UNC79: variants seen among roughly 807,000 people sequenced by gnomAD.
UNC79 encodes the protein unc-79 subunit of NALCN channel complex, also known as protein unc-79 homolog.
In UNC79, 37 loss-of-function variants were observed where a neutral mutation model predicts 283.1. That is an observed-to-expected ratio of 0.13 (90% CI 0.10 to 0.17). The LOEUF (loss-of-function observed/expected upper bound fraction) is 0.17. UNC79 is among the 10% of genes least tolerant of loss of function. UNC79 has a pLI of 1.00. For synonymous variants in UNC79, 1,107 were observed against 1,200.2 expected (o/e 0.92, Z 1.61); for missense variants, 2,272 against 3,211.1 (o/e 0.71, Z 7.07).
upstream of UNC79, among the ~76,000 whole-genome samples, chr14:93,427,018 AACTT>A (rs2055746575): frequency 6.6e-6 from 1 of 152,164 alleles, no homozygotes; most frequent in Non-Finnish European, 1.5e-5. Context: ...GCAGGTAACT[AACTT>A]AATGGGATAT....
At chr14:93,467,978 A>G (rs972108111) in intron 2 of UNC79, among the ~76,000 whole-genome samples, 187 bp downstream of exon 2, 2 of 151,960 alleles carry the variant, frequency 1.3e-5, no homozygotes, top group African/African-American at 4.8e-5. Context: ...CAGCTGAAAA[A>G]GATTGGTTGC....
chr14:93,497,058 C>G, intron 6 of UNC79, 99 bp from the exon 7 acceptor site: 1 of 1,360,052 alleles, frequency 7.4e-7, no homozygotes, highest in Non-Finnish European at 1.0e-6. Context: ...TCACCTCAAT[C>G]CCTCCATTAG....
chr14:93,449,917 G>A (rs910135902), intron 1 of UNC79, among the ~76,000 whole-genome samples: 2 of 152,304 alleles, frequency 1.3e-5, no homozygotes, highest in African/African-American at 2.4e-5. Flanking sequence ...ATCTGGTGGT[G>A]GGTAAATGGG....
intron 1 of UNC79, among the ~76,000 whole-genome samples, chr14:93,409,231 T>G (rs933397667): frequency 4.6e-5 from 7 of 152,196 alleles, no homozygotes; most frequent in Non-Finnish European, 7.3e-5. Flanking sequence ...AGATATAAGA[T>G]CAACCTAAAA....
intron 26 of UNC79, chr14:93,604,945 A>C (rs1326493227): frequency 9.5e-6 from 15 of 1,580,982 alleles, no homozygotes; most frequent in Non-Finnish European, 1.3e-5. Context: ...TCGGTGGGAC[A>C]CCCGAACAGA....
At chr14:93,644,730 T>C (rs2069411425) in intron 34 of UNC79, among the ~76,000 whole-genome samples, 1 of 152,184 alleles carries the variant, frequency 6.6e-6, no homozygotes, top group African/African-American at 2.4e-5. Context: ...TTAATCCTTT[T>C]TTAAAAATGA....
At chr14:93,484,190 G>T (rs138038214) in intron 4 of UNC79, among the ~76,000 whole-genome samples, 2,135 of 152,262 alleles carry the variant, frequency 0.014, 23 homozygotes, top group Middle Eastern at 0.037. Flanking sequence ...TCCAGCACCT[G>T]TTGTTTCCTG....
chr14:93,583,330 A>T (rs551811865), intron 20 of UNC79, among the ~76,000 whole-genome samples: 2 of 142,848 alleles, frequency 1.4e-5, no homozygotes, highest in South Asian at 4.2e-4. Flanking sequence ...AAAAAAAAAA[A>T]ATAATAAATA....
chr14:93,597,313 A>T, intron 23 of UNC79, 46 bp from the exon 24 acceptor site: 1 of 1,582,102 alleles, frequency 6.3e-7, no homozygotes, highest in Non-Finnish European at 8.6e-7. Flanking sequence ...GTGTGCCTGT[A>T]GGTGTGTGTG....
At chr14:93,509,007 C>T (rs114799111) in intron 7 of UNC79, among the ~76,000 whole-genome samples, 2,078 of 152,312 alleles carry the variant, frequency 0.014, 56 homozygotes, top group African/African-American at 0.048. Context: ...TTAATTGGCT[C>T]ATGGTTCTGT....
At chr14:93,577,645 T>C (rs1425484143) in intron 17 of UNC79, among the ~76,000 whole-genome samples, 197 bp from the exon 18 acceptor site, 1 of 152,180 alleles carries the variant, frequency 6.6e-6, no homozygotes, top group Non-Finnish European at 1.5e-5. Context: ...TCCTGACAAC[T>C]AGGAAGTTTG....
chr14:93,481,767 G>A (rs1020993682), intron 4 of UNC79, among the ~76,000 whole-genome samples: 4 of 152,038 alleles, frequency 2.6e-5, no homozygotes, highest in African/African-American at 7.2e-5. Context: ...CAGTAAAAAT[G>A]CAAAATATTA....
At chr14:93,369,566 A>G (rs2054402064) in intron 1 of UNC79, among the ~76,000 whole-genome samples, 1 of 152,226 alleles carries the variant, frequency 6.6e-6, no homozygotes, top group Non-Finnish European at 1.5e-5. Flanking sequence ...CCAGGTAGGA[A>G]AACCTGAACT....
At chr14:93,605,910 A>G (rs2065855969) in intron 26 of UNC79, among the ~76,000 whole-genome samples, 2 of 152,260 alleles carry the variant, frequency 1.3e-5, no homozygotes, top group Admixed American at 6.5e-5. Flanking sequence ...AATAGCAAAC[A>G]TTTGGTAGAG....
chr14:93,693,259 G>A (rs933216487), intron 46 of UNC79, among the ~76,000 whole-genome samples: 3 of 152,106 alleles, frequency 2.0e-5, no homozygotes, highest in Admixed American at 2.0e-4. Context: ...ACAGATTCTA[G>A]GACTAATGAA....
At chr14:93,371,628 CAGG>C (rs1268242477) in intron 1 of UNC79, among the ~76,000 whole-genome samples, 1 of 152,028 alleles carries the variant, frequency 6.6e-6, no homozygotes, top group African/African-American at 2.4e-5. Flanking sequence ...ATCACGAGGT[CAGG>C]AGATCGAGAC....
intron 7 of UNC79, among the ~76,000 whole-genome samples, chr14:93,502,551 A>C (rs543396811): frequency 6.6e-5 from 10 of 152,218 alleles, no homozygotes; most frequent in Admixed American, 1.3e-4. Context: ...GAAAATAGCC[A>C]TTATGTTGTT....
In UNC79 at chr14:93,440,542, T is replaced by A. The variant is rs182026251; in HGVS notation, c.22+9491T>A. On this transcript the variant is annotated intron_variant, in intron 1 of 48. Coordinates refer to ENST00000555664, the Ensembl canonical transcript of UNC79. ...TTGGCTGTTAATTTTTTTTTTTTTT[T>A]AAATTTTTATTGAGATAGGCATTTC... Among the ~76,000 whole-genome samples the A allele has an allele frequency of 8.3e-4, 124 of 149,390 alleles. 1 individual carries two copies. The East Asian group carries it at 0.017, about 20-fold the overall frequency.
At chr14:93,449,878 A>C (rs7152274) in intron 1 of UNC79, among the ~76,000 whole-genome samples, 10,165 of 152,232 alleles carry the variant, frequency 0.067, 1,180 homozygotes, top group African/African-American at 0.23. Context: ...GTGGGTATAG[A>C]TAAGATACAG....
Sources: allele counts gnomAD v4.1 joint callset (sites outside exome capture counted in the v4.1 genomes callset), GRCh38; gene constraint gnomAD v4.1.1; transcripts MANE v1.5; gene names NCBI Gene and HGNC (gene_info 2026-07-23, HGNC 2026-07-21).